ROBO1: variants seen among roughly 807,000 people sequenced by gnomAD.
The protein encoded by ROBO1 is roundabout guidance receptor 1, also known as roundabout homolog 1.
Under a neutral mutation model 195.9 loss-of-function variants are expected in ROBO1, and 149 were observed. The observed-to-expected ratio is 0.76, with a 90% confidence interval of 0.67 to 0.87. The LOEUF (loss-of-function observed/expected upper bound fraction) is 0.87. Ranked by LOEUF, ROBO1 falls within the 40% of genes least tolerant of loss-of-function variation. The probability of loss-of-function intolerance (pLI) is 0.00; values close to 1 mark genes in which losing one functional copy is unlikely to be tolerated. For missense variants in ROBO1, 1,933 were observed against 2,068.3 expected (o/e 0.93, Z 1.27); for synonymous variants, 816 against 733.2 (o/e 1.11, Z -1.82).
chr3:78,814,251 T>A (rs2108642478), intron 4 of ROBO1, among the ~76,000 whole-genome samples: 1 of 152,218 alleles, frequency 6.6e-6, no homozygotes, highest in Admixed American at 6.5e-5. Flanking sequence ...GAGCCACATA[T>A]GCAATTTAAA....
intron 18 of ROBO1, among the ~76,000 whole-genome samples, chr3:78,653,025 A>G (rs977953865): frequency 1.3e-5 from 2 of 152,206 alleles, no homozygotes; most frequent in African/African-American, 4.8e-5. Context: ...TGGTGAAACA[A>G]GAAGGTGTTG....
rs2107818429 is a variant in ROBO1 at position 79,589,969 on chromosome 3, G to A, written c.-50-8C>T. The A allele has an allele frequency of 8.4e-7, 1 of 1,189,000 alleles. No homozygotes were observed. The allele number at this position is 1,189,000 out of a possible 1,614,324, so 73.7% of individuals were successfully genotyped here. On this transcript the variant is annotated splice_region_variant and splice_polypyrimidine_tract_variant and intron_variant, in intron 1 of 30. Transcript: ENST00000464233. Reference sequence around the variant, plus strand: ...TGACAGACAATGTGTTATCTGGGGAGATTAAAAAAATATTATTTTGTAATG... The same window carrying A: ...TGACAGACAATGTGTTATCTGGGGAAATTAAAAAAATATTATTTTGTAATG...
chr3:78,784,585 A>C (rs1009204193), intron 4 of ROBO1, among the ~76,000 whole-genome samples: 1 of 133,502 alleles, frequency 7.5e-6, no homozygotes, highest in Non-Finnish European at 1.6e-5. Flanking sequence ...TTTAACAATG[A>C]ACTTAAAAGT....
intron 2 of ROBO1, among the ~76,000 whole-genome samples, chr3:79,579,680 T>C (rs1053559920): frequency 1.3e-5 from 2 of 152,166 alleles, no homozygotes; most frequent in Admixed American, 6.6e-5. Context: ...TAAAAGAACA[T>C]GGAATCAGCT....
intron 3 of ROBO1, chr3:79,018,432 C>T (rs375506771): frequency 3.6e-5 from 58 of 1,613,734 alleles, no homozygotes; most frequent in Non-Finnish European, 4.9e-5. Context: ...TTAATCCAAA[C>T]AGGTAAAAGT....
chr3:79,275,315 G>T (rs182898794), intron 2 of ROBO1, among the ~76,000 whole-genome samples: 30 of 151,912 alleles, frequency 2.0e-4, no homozygotes, highest in African/African-American at 7.2e-4. Context: ...GGAGTGCAAA[G>T]ATGGCTTAAC....
At chr3:79,360,084 T>C (rs1283695319) in intron 2 of ROBO1, among the ~76,000 whole-genome samples, 3 of 152,070 alleles carry the variant, frequency 2.0e-5, no homozygotes, top group Admixed American at 6.6e-5. Context: ...CTGTATGTTC[T>C]CTGCAAATGT....
intron 2 of ROBO1, among the ~76,000 whole-genome samples, chr3:79,485,795 C>T (rs1423623301): frequency 6.6e-6 from 1 of 151,312 alleles, no homozygotes; most frequent in Non-Finnish European, 1.5e-5. Flanking sequence ...AGTGCGTAGT[C>T]TTCTCTCTAA....
At chr3:79,693,927 A>G (rs1947368700) in intron 1 of ROBO1, among the ~76,000 whole-genome samples, 1 of 151,766 alleles carries the variant, frequency 6.6e-6, no homozygotes, top group Non-Finnish European at 1.5e-5. Flanking sequence ...AAATTATATT[A>G]TATTTTTTCA....
chr3:79,765,073 T>C (rs940697305), intron 1 of ROBO1, among the ~76,000 whole-genome samples: 35 of 152,010 alleles, frequency 2.3e-4, no homozygotes, highest in African/African-American at 7.0e-4. Context: ...AGGAAGTAAA[T>C]AGGAAAATAC....
intron 3 of ROBO1, among the ~76,000 whole-genome samples, chr3:79,073,932 A>T (rs2108443581): frequency 6.6e-6 from 1 of 151,054 alleles, no homozygotes; most frequent in East Asian, 2.0e-4. Flanking sequence ...GATATATAAC[A>T]GCAATAAACA....
At chr3:78,673,131 C>T (rs920392348) in intron 10 of ROBO1, among the ~76,000 whole-genome samples, 12 of 152,008 alleles carry the variant, frequency 7.9e-5, no homozygotes, top group African/African-American at 2.7e-4. Context: ...AGGGTGCAAA[C>T]ATGTCAGTTC....
At chr3:78,838,600 C>T (rs982334736) in intron 4 of ROBO1, among the ~76,000 whole-genome samples, 1 of 152,070 alleles carries the variant, frequency 6.6e-6, no homozygotes, top group Non-Finnish European at 1.5e-5. Context: ...AGATTGGGGA[C>T]GTGCCAGGTT....
chr3:79,611,118 G>A (rs573892538), intron 1 of ROBO1, among the ~76,000 whole-genome samples: 37 of 152,162 alleles, frequency 2.4e-4, no homozygotes, highest in Non-Finnish European at 4.6e-4. Context: ...AATGGATGTA[G>A]AGGGGCTAAG....
chr3:79,255,048 C>T (rs1185065639), intron 2 of ROBO1, among the ~76,000 whole-genome samples: 3 of 152,162 alleles, frequency 2.0e-5, no homozygotes, highest in Middle Eastern at 6.3e-3. Flanking sequence ...AAAAAGTCTT[C>T]CGCATTTGCT....
intron 2 of ROBO1, among the ~76,000 whole-genome samples, chr3:79,460,718 T>C (rs1407237967): frequency 1.3e-5 from 2 of 152,196 alleles, no homozygotes; most frequent in Non-Finnish European, 2.9e-5. Context: ...TTGATTTCCC[T>C]AGCATGTTTA....
At chr3:79,035,344 C>T (rs1041151518) in intron 3 of ROBO1, among the ~76,000 whole-genome samples, 14 of 152,116 alleles carry the variant, frequency 9.2e-5, no homozygotes, top group South Asian at 4.1e-4. Context: ...GTCACTTTTA[C>T]GGATCTAACT....
At chr3:79,394,545 T>A (rs1291235021) in intron 2 of ROBO1, among the ~76,000 whole-genome samples, 3 of 152,002 alleles carry the variant, frequency 2.0e-5, no homozygotes, top group African/African-American at 7.2e-5. Flanking sequence ...TAAATATAGA[T>A]ACATGTATTC....
At chr3:78,893,771 T>TA (rs566767617) in intron 4 of ROBO1, among the ~76,000 whole-genome samples, 28 of 151,524 alleles carry the variant, frequency 1.8e-4, no homozygotes, top group Non-Finnish European at 3.5e-4. Flanking sequence ...TTTTCCACAG[T>TA]AAAAAAAAAT....
Sources: allele counts gnomAD v4.1 joint callset (sites outside exome capture counted in the v4.1 genomes callset), GRCh38; gene constraint gnomAD v4.1.1; transcripts MANE v1.5; gene names NCBI Gene and HGNC (gene_info 2026-07-23, HGNC 2026-07-21).